GARRE1: variants seen among roughly 807,000 people sequenced by gnomAD.
The protein encoded by GARRE1 is granule associated Rac and RHOG effector 1.
Under a neutral mutation model 103.2 loss-of-function variants are expected in GARRE1, and 49 were observed. That is an observed-to-expected ratio of 0.47 (90% CI 0.38 to 0.60). The LOEUF (loss-of-function observed/expected upper bound fraction) is 0.60, where lower values mean the gene tolerates loss of function less well. GARRE1 is among the 20% of genes least tolerant of loss of function. The pLI, the probability that GARRE1 is intolerant of heterozygous loss-of-function variation, is 0.00. For missense variants in GARRE1, 1,199 were observed against 1,370.5 expected (o/e 0.87, Z 1.98); for synonymous variants, 505 against 532.8 (o/e 0.95, Z 0.72).
intron 1 of GARRE1, among the ~76,000 whole-genome samples, chr19:34,298,346 C>T (rs868640818): frequency 6.0e-5 from 9 of 151,082 alleles, no homozygotes; most frequent in Admixed American, 2.6e-4. Flanking sequence ...CCTAGGAGTT[C>T]GAGGCTGTAG....
intron 1 of GARRE1, among the ~76,000 whole-genome samples, chr19:34,255,223 G>C (rs2073664390): frequency 6.6e-6 from 1 of 152,250 alleles, no homozygotes; most frequent in African/African-American, 2.4e-5. Context: ...GGCTGAGCGT[G>C]GAGGACCCGA....
chr19:34,256,624 A>C (rs1427946484), intron 1 of GARRE1, among the ~76,000 whole-genome samples: 2 of 152,058 alleles, frequency 1.3e-5, no homozygotes, highest in South Asian at 4.1e-4. Context: ...AATATGAAAT[A>C]TTTTGTAAAT....
At chr19:34,319,829 G>C in intron 2 of GARRE1, 78 bp from the exon 3 acceptor site, 3 of 1,185,136 alleles carry the variant, frequency 2.5e-6, no homozygotes, top group Non-Finnish European at 2.5e-6. Context: ...TTCTATTCAA[G>C]TTGGTCATTG....
chr19:34,301,075 C>T, intron 2 of GARRE1, 107 bp downstream of exon 2: 1 of 1,193,874 alleles, frequency 8.4e-7, no homozygotes, highest in South Asian at 1.5e-5. Flanking sequence ...AGCCTTTGTC[C>T]TCTTGCTGTT....
At chr19:34,315,287 A>G (rs1024865165) in intron 2 of GARRE1, among the ~76,000 whole-genome samples, 10 of 152,188 alleles carry the variant, frequency 6.6e-5, no homozygotes, top group Admixed American at 5.2e-4. Flanking sequence ...CATAGTTCCA[A>G]CCACATGCAG....
intron 1 of GARRE1, among the ~76,000 whole-genome samples, chr19:34,294,495 A>G (rs1290884582): frequency 6.6e-6 from 1 of 151,688 alleles, no homozygotes; most frequent in Non-Finnish European, 1.5e-5. Context: ...GTTTTGGGAG[A>G]CATTATTCTT....
At chr19:34,349,344 G>A (rs901798190) in intron 12 of GARRE1, among the ~76,000 whole-genome samples, 191 bp downstream of exon 12, 9 of 152,068 alleles carry the variant, frequency 5.9e-5, no homozygotes, top group Admixed American at 2.0e-4. Context: ...AGGAAGAGCC[G>A]GCCTCATCTT....
At chr19:34,350,421 G>A (rs2074230877) in intron 12 of GARRE1, among the ~76,000 whole-genome samples, 2 of 152,170 alleles carry the variant, frequency 1.3e-5, no homozygotes, top group African/African-American at 4.8e-5. Context: ...AGTCACATCT[G>A]GCACCATCTC....
chr19:34,263,482 CT>C (rs776854533), intron 1 of GARRE1, among the ~76,000 whole-genome samples: 178 of 140,018 alleles, frequency 1.3e-3, no homozygotes, highest in Middle Eastern at 3.7e-3. Flanking sequence ...TCTTTTTTTT[CT>C]TTTTTTTTTT....
chr19:34,302,480 G>C (rs2073985121), intron 2 of GARRE1, among the ~76,000 whole-genome samples: 1 of 151,472 alleles, frequency 6.6e-6, no homozygotes, highest in Non-Finnish European at 1.5e-5. Flanking sequence ...TTTTAGTAGA[G>C]ACAGGGTTTC....
intron 1 of GARRE1, among the ~76,000 whole-genome samples, chr19:34,260,362 A>T (rs912841971): frequency 6.6e-6 from 1 of 152,234 alleles, no homozygotes; most frequent in Admixed American, 6.5e-5. Flanking sequence ...AGGAAAATAA[A>T]AAACATCATG....
intron 3 of GARRE1, among the ~76,000 whole-genome samples, chr19:34,324,347 G>A (rs1243191298): frequency 1.3e-5 from 2 of 151,916 alleles, no homozygotes; most frequent in Non-Finnish European, 2.9e-5. Flanking sequence ...CACACCCCGT[G>A]GACAGTTTAC....
At position 34,347,938 on chromosome 19, in the gene GARRE1, G is replaced by A; in HGVS notation, c.2583G>A (p.Lys861=). 1.9e-6 allele frequency: 3 copies of A among 1,593,678 alleles called. No individual in the cohort carries two copies. Among genetic ancestry groups the A allele is most frequent in the Non-Finnish European group, 2.6e-6 (3 of 1,169,546 alleles). Residue 861 remains lysine, a synonymous_variant, in exon 11 of 14, where the codon AAG becomes AAA. Transcript: ENST00000299505. ...GAGTGAGCCAGGCGATGCAGCAGAA[G>A]CGGCAGGCCCAGCACGGTCGCCGGC... ...VAGVSQAMQQ[K]RQAQHGRRPG...
intron 1 of GARRE1, among the ~76,000 whole-genome samples, chr19:34,256,467 C>G (rs912907305): frequency 1.5e-4 from 23 of 151,504 alleles, no homozygotes; most frequent in Non-Finnish European, 2.8e-4. Flanking sequence ...TTGCAGTGAG[C>G]CGAGGTCGTG....
intron 3 of GARRE1, 115 bp downstream of exon 3, chr19:34,320,231 T>G (rs892540970): frequency 1.2e-6 from 1 of 867,440 alleles, no homozygotes; most frequent in East Asian, 2.6e-5. Flanking sequence ...CATTTTAAAC[T>G]GTTATCATTG....
At chr19:34,317,069 T>C (rs1297748043) in intron 2 of GARRE1, among the ~76,000 whole-genome samples, 2 of 152,232 alleles carry the variant, frequency 1.3e-5, no homozygotes, top group African/African-American at 2.4e-5. Flanking sequence ...CCTTCAGGCC[T>C]TCAGCCATTC....
At chr19:34,255,540 TC>T (rs1052813625) in intron 1 of GARRE1, among the ~76,000 whole-genome samples, 1 of 152,182 alleles carries the variant, frequency 6.6e-6, no homozygotes, top group African/African-American at 2.4e-5. Context: ...TTGGTGATAA[TC>T]AATAAATACA....
At chr19:34,321,223 ATTTTTTTTTTTTTTTT>A (rs71165648) in intron 3 of GARRE1, among the ~76,000 whole-genome samples, 11 of 77,384 alleles carry the variant, frequency 1.4e-4, no homozygotes, top group Admixed American at 5.4e-4. Flanking sequence ...AGCCCGGCTA[ATTTTTTTTTTTTTTTT>A]TTTTTTTTTT....
intron 2 of GARRE1, among the ~76,000 whole-genome samples, chr19:34,316,460 A>G (rs1266760986): frequency 2.0e-5 from 3 of 152,298 alleles, no homozygotes; most frequent in African/African-American, 7.2e-5. Context: ...AAGACGCCCA[A>G]AGACTGGCTC....
Sources: gnomAD v4.1 joint callset for allele counts (sites outside exome capture counted in the v4.1 genomes callset) on GRCh38, gnomAD v4.1.1 for gene constraint, MANE v1.5 for transcripts, NCBI Gene and HGNC (gene_info 2026-07-23, HGNC 2026-07-21) for gene names.